Variants in NSFL1C observed in about 807,000 individuals in gnomAD.
NSFL1C encodes the protein NSFL1 cofactor.
NSFL1C carries 14 observed loss-of-function variants against 43.1 expected under a neutral mutation model. The ratio of observed to expected loss-of-function variants is 0.32; its 90% CI spans 0.21 to 0.51. The LOEUF is 0.51. Among genes scored for constraint, NSFL1C ranks in the 20% least tolerant of loss-of-function variants. The pLI, the probability that NSFL1C is intolerant of heterozygous loss-of-function variation, is 0.98. For synonymous variants in NSFL1C, 171 were observed against 183.5 expected, an observed-to-expected ratio of 0.93 and a Z score of 0.55; for missense variants, 406 against 472.5, an observed-to-expected ratio of 0.86 and a Z score of 1.30.
intron 2 of NSFL1C, 112 bp downstream of exon 2, chr20:1,464,217 C>T (rs76973035): frequency 2.3e-6 from 2 of 852,914 alleles, no homozygotes; most frequent in Non-Finnish European, 3.9e-6. Flanking sequence ...CTCAGTCTAA[C>T]CTTCTCATTC....
Position 1,453,134 on chromosome 20 carries a change from C to T in NSFL1C, c.544G>A (p.Val182Ile). Reference protein sequence around the residue: ...KRQHSSQDVHVVLKLWKSGFS... With the variant: ...KRQHSSQDVHIVLKLWKSGFS... ...CCACTCTTCCAGAGTTTCAATACTACATGAACCTGTGATGACAGGGAGTAA... is the reference window on the plus strand; with the variant it reads ...CCACTCTTCCAGAGTTTCAATACTATATGAACCTGTGATGACAGGGAGTAA... Residue 182 changes from valine to isoleucine, a missense_variant, in exon 6 of 9, where the codon GTA becomes ATA. This residue lies in a region of NSFL1C where 7 missense variants were observed against 28.2 expected (regional missense o/e 0.25). Transcript: ENST00000216879. 6.3e-7 allele frequency: 1 copy of T among 1,585,462 alleles called. No individual in the cohort carries two copies. The highest frequency in any genetic ancestry group is 8.7e-7 in the Non-Finnish European group (1 of 1,153,928).
chr20:1,459,355 G>C (rs1340227081), intron 2 of NSFL1C, among the ~76,000 whole-genome samples: 2 of 152,194 alleles, frequency 1.3e-5, no homozygotes, highest in South Asian at 4.1e-4. Flanking sequence ...GTGAAGATGT[G>C]CTTGCTTCCC....
chr20:1,452,697 G>T, intron 6 of NSFL1C, 67 bp from the exon 7 acceptor site: 1 of 1,592,490 alleles, frequency 6.3e-7, no homozygotes, highest in Non-Finnish European at 8.6e-7. Flanking sequence ...TGGGAAAAGG[G>T]GAGAAGAAAC....
At chr20:1,445,997 G>T (rs1599935500) in intron 7 of NSFL1C, 167 bp from the exon 8 acceptor site, 1 of 675,746 alleles carries the variant, frequency 1.5e-6, no homozygotes, top group Non-Finnish European at 2.5e-6. Flanking sequence ...GAACTTACAG[G>T]TCCAGCAGAA....
Position 1,458,284 on chromosome 20 carries a change from CAGAA to C in NSFL1C, c.204-14_204-11del. On this transcript the variant is annotated splice_polypyrimidine_tract_variant and intron_variant, in intron 2 of 8. Transcript: ENST00000216879. The stretch of plus-strand genomic sequence containing the variant: ...TGTCACTCTATTATCACTGGAGACA[CAGAA>C]AGGAGCAAAATGATCTCAGGGAGCA... 6.2e-7 allele frequency: 1 copy of C among 1,609,542 alleles called. No homozygotes were observed.
chr20:1,444,513 C>G (rs1203060626), intron 8 of NSFL1C, among the ~76,000 whole-genome samples: 1 of 152,216 alleles, frequency 6.6e-6, no homozygotes, highest in Non-Finnish European at 1.5e-5. Flanking sequence ...CAGACACTAC[C>G]TGCCTTCTGA....
At chr20:1,452,435 T>TG in intron 7 of NSFL1C, 58 bp downstream of exon 7, 1 of 1,594,140 alleles carries the variant, frequency 6.3e-7, no homozygotes, top group East Asian at 2.2e-5. Context: ...ACACAGGGTC[T>TG]GCTGGGCTTG....
intron 4 of NSFL1C, 93 bp downstream of exon 4, chr20:1,454,871 AAAG>A (rs775593180): frequency 5.8e-5 from 79 of 1,353,534 alleles, no homozygotes; most frequent in Non-Finnish European, 7.0e-5. Flanking sequence ...CAAATGAAAA[AAAG>A]AAAAAAATCA....
At chr20:1,454,935 C>T (rs775878282) in intron 4 of NSFL1C, 32 bp downstream of exon 4, 2 of 1,598,796 alleles carry the variant, frequency 1.3e-6, no homozygotes, top group Admixed American at 1.7e-5. Flanking sequence ...AATCTCAGTC[C>T]TGTGGGCACA....
In NSFL1C at chr20:1,466,848, G is replaced by A. The variant is rs1489381584; in HGVS notation, c.-24C>T. The stretch of plus-strand genomic sequence containing the variant: ...ATCTTCGCCCCGTGCGCCTTCCAAA[G>A]CGCTCCGGCGGCCGCCGCACAGGCC... On this transcript the variant is annotated 5_prime_UTR_variant, in exon 1 of 9. Coordinates refer to ENST00000216879, the MANE Select transcript of NSFL1C (RefSeq NM_016143.5). 4.6e-6 allele frequency: 7 copies of A among 1,514,802 alleles called. No homozygotes were observed. The South Asian group carries it at 8.6e-5, about 19-fold the overall frequency. The allele number at this position is 1,514,802 out of a possible 1,614,324, so 93.8% of individuals were successfully genotyped here.
At position 1,442,814 on chromosome 20, in the gene NSFL1C, C is replaced by G. The variant is rs1230839729; in HGVS notation, c.*935G>C. The G allele has an allele frequency of 6.6e-6, 1 of 152,190 alleles. No individual in the cohort carries two copies. The highest frequency in any genetic ancestry group is 1.9e-4 in the East Asian group (1 of 5,192). 9.4% of individuals were successfully genotyped at this position (152,190 alleles called of 1,614,324 possible). Reference sequence around the variant, plus strand: ...GTGCTTGTAGCACAGAAAACTCACCCCTTCTTCAACAGTTGATTTGATTTG... The same window carrying G: ...GTGCTTGTAGCACAGAAAACTCACCGCTTCTTCAACAGTTGATTTGATTTG... On this transcript the variant is annotated 3_prime_UTR_variant, in exon 9 of 9. Coordinates refer to ENST00000216879, the MANE Select transcript of NSFL1C (RefSeq NM_016143.5).
intron 7 of NSFL1C, among the ~76,000 whole-genome samples, chr20:1,451,814 T>C (rs947263198): frequency 5.3e-5 from 8 of 152,136 alleles, no homozygotes; most frequent in African/African-American, 1.9e-4. Context: ...AGAATGTCTG[T>C]TAGTAGAGGG....
At chr20:1,445,925 C>T (rs1217114635) in intron 7 of NSFL1C, 95 bp from the exon 8 acceptor site, 12 of 1,331,014 alleles carry the variant, frequency 9.0e-6, no homozygotes, top group South Asian at 2.6e-5. Context: ...ATTTGCAATG[C>T]GCCTGGCATT....
At chr20:1,453,257 G>A in intron 5 of NSFL1C, 117 bp from the exon 6 acceptor site, 2 of 676,434 alleles carry the variant, frequency 3.0e-6, no homozygotes, top group Non-Finnish European at 5.4e-6. Context: ...CACACATAGA[G>A]ACACACATAT....
rs746799852 is a variant in NSFL1C at position 1,443,747 on chromosome 20, G to A, written c.*2C>T. The A allele has an allele frequency of 5.0e-6, 8 of 1,613,432 alleles. No individual in the cohort carries two copies. In the South Asian group the frequency reaches 6.6e-5, roughly 13 times the overall value. ...AGGGAGGCCAGGCAGCTGGCTGGGC[G>A]GTTATGTTAACCGCTGCACGATGAC... On this transcript the variant is annotated 3_prime_UTR_variant, in exon 9 of 9. Transcript: ENST00000216879.
chr20:1,455,776 G>C, intron 3 of NSFL1C: 1 of 778,466 alleles, frequency 1.3e-6, no homozygotes, highest in Non-Finnish European at 2.4e-6. Context: ...AACAAGCACA[G>C]AGTAATGCAC....
intron 7 of NSFL1C, among the ~76,000 whole-genome samples, chr20:1,448,099 T>G (rs374386561): frequency 1.3e-5 from 2 of 152,344 alleles, no homozygotes; most frequent in East Asian, 3.9e-4. Flanking sequence ...TCCTCACTTA[T>G]GAGCTGATGA....
chr20:1,459,095 T>C (rs1214078326), intron 2 of NSFL1C, among the ~76,000 whole-genome samples: 1 of 152,168 alleles, frequency 6.6e-6, no homozygotes, highest in African/African-American at 2.4e-5. Context: ...TTTAAAAAAA[T>C]TCTGTATTTC....
intron 2 of NSFL1C, among the ~76,000 whole-genome samples, chr20:1,460,598 A>C (rs2090390027): frequency 6.6e-6 from 1 of 151,744 alleles, no homozygotes; most frequent in South Asian, 2.1e-4. Context: ...GTGGCACAAA[A>C]CTCCTTCATC....
Sources: allele counts gnomAD v4.1 joint callset (sites outside exome capture counted in the v4.1 genomes callset), GRCh38; gene constraint gnomAD v4.1.1; regional missense constraint gnomAD v4.1.1; transcripts MANE v1.5; gene names NCBI Gene and HGNC (gene_info 2026-07-23, HGNC 2026-07-21).